Variants in PTPRD observed in about 807,000 individuals in gnomAD.
PTPRD encodes the protein receptor-type tyrosine-protein phosphatase delta.
In PTPRD, 34 loss-of-function variants were observed where a neutral mutation model predicts 214.5. That is an observed-to-expected ratio of 0.16 (90% CI 0.12 to 0.21). PTPRD has a LOEUF of 0.21. Ranked by LOEUF, PTPRD falls within the 10% of genes least tolerant of loss-of-function variation. The pLI is 1.00. For missense variants in PTPRD, 2,545 were observed against 2,398.7 expected (o/e 1.06, Z -1.27); for synonymous variants, 1,128 against 845.7 (o/e 1.33, Z -5.79).
rs116969925 is a variant in PTPRD at position 9,307,824 on chromosome 9, C to T, written c.-203+89625G>A. Among the ~76,000 whole-genome samples the T allele has an allele frequency of 4.0e-3, 604 of 152,286 alleles. 3 individuals carry two copies. Among genetic ancestry groups the T allele is most frequent in the East Asian group, 0.027 (140 of 5,172 alleles). On this transcript the variant is annotated intron_variant, in intron 9 of 45. Transcript: ENST00000381196. The stretch of plus-strand genomic sequence containing the variant: ...ATTGACCAGTATCATCTTCCCAAAA[C>T]CTCATTGCACTTCGTGTCTGTTCTA...
intron 11 of PTPRD, among the ~76,000 whole-genome samples, chr9:8,990,581 C>A (rs950531816): frequency 4.6e-5 from 7 of 152,174 alleles, no homozygotes; most frequent in African/African-American, 1.7e-4. Flanking sequence ...AACAAGAATA[C>A]CTCTTCCCTC....
chr9:8,823,238 T>G lies in PTPRD; in HGVS notation c.-103-89292A>C, dbSNP rs189288776. ...CTTTGCCTGACCTCTAAATGTTCAG[T>G]GTTCCACTGAACCCCTTCTTAAAAT... On this transcript the variant is annotated intron_variant, in intron 11 of 45. Transcript: ENST00000381196. Among the ~76,000 whole-genome samples, 318 of 152,274 alleles carry G rather than the reference T, an allele frequency of 2.1e-3. 1 individual carries two copies. Among genetic ancestry groups the G allele is most frequent in the African/African-American group, 7.2e-3 (299 of 41,570 alleles).
rs758868484 is a variant in PTPRD, at chr9:8,315,928, G to C, written c.*1946C>G. ...TATAGAAATTCTGTTGGAAGAATTGGGGGTAAGATACATATATATATATAG... is the reference window on the plus strand; with the variant it reads ...TATAGAAATTCTGTTGGAAGAATTGCGGGTAAGATACATATATATATATAG... On this transcript the variant is annotated 3_prime_UTR_variant, in exon 46 of 46. Transcript: ENST00000381196. 4 of 197,324 alleles carry C rather than the reference G, an allele frequency of 2.0e-5. No individual in the cohort carries two copies. The highest frequency in any genetic ancestry group is 3.8e-5 in the African/African-American group (1 of 26,098). 12.2% of individuals were successfully genotyped at this position (197,324 alleles called of 1,614,324 possible).
At chr9:8,890,152 A>G (rs1479340867) in intron 11 of PTPRD, among the ~76,000 whole-genome samples, 1 of 152,226 alleles carries the variant, frequency 6.6e-6, no homozygotes, top group Non-Finnish European at 1.5e-5. Flanking sequence ...ATATGTCAGA[A>G]TATTCTCATC....
chr9:9,569,211 AATGTT>A (rs1231181597), intron 8 of PTPRD, among the ~76,000 whole-genome samples: 1 of 151,732 alleles, frequency 6.6e-6, no homozygotes, highest in Non-Finnish European at 1.5e-5. Flanking sequence ...GTCATTTGCG[AATGTT>A]ATAAGTGTAA....
At chr9:8,702,373 T>G (rs917667294) in intron 12 of PTPRD, among the ~76,000 whole-genome samples, 1 of 152,152 alleles carries the variant, frequency 6.6e-6, no homozygotes, top group Admixed American at 6.5e-5. Context: ...TTCTTGCTTC[T>G]CAGTTGGATC....
At chr9:8,708,913 C>G (rs1220542009) in intron 12 of PTPRD, among the ~76,000 whole-genome samples, 1 of 151,968 alleles carries the variant, frequency 6.6e-6, no homozygotes, top group Non-Finnish European at 1.5e-5. Context: ...CCTACTCAGC[C>G]TTTAAAAAAA....
intron 11 of PTPRD, among the ~76,000 whole-genome samples, chr9:8,886,159 T>TA (rs780861397): frequency 3.9e-5 from 6 of 152,324 alleles, no homozygotes; most frequent in Non-Finnish European, 5.9e-5. Flanking sequence ...GATTTGTTCA[T>TA]AAGCCAGACA....
At chr9:8,936,785 T>C (rs558834955) in intron 11 of PTPRD, among the ~76,000 whole-genome samples, 1 of 152,342 alleles carries the variant, frequency 6.6e-6, no homozygotes, top group South Asian at 2.1e-4. Context: ...AATGTATTGC[T>C]AGATATTGAA....
intron 5 of PTPRD, among the ~76,000 whole-genome samples, chr9:9,818,125 G>T (rs1045391860): frequency 6.6e-6 from 1 of 152,150 alleles, no homozygotes; most frequent in Non-Finnish European, 1.5e-5. Context: ...GAGTATCACT[G>T]ACATGGAGAA....
intron 10 of PTPRD, among the ~76,000 whole-genome samples, chr9:9,038,551 C>T (rs377332805): frequency 1.0e-4 from 11 of 109,648 alleles, no homozygotes; most frequent in African/African-American, 2.6e-4. Flanking sequence ...TTTGTGATAA[C>T]GGTTTTTTTT....
chr9:9,853,536 A>C (rs1190456218), intron 5 of PTPRD, among the ~76,000 whole-genome samples: 1 of 151,734 alleles, frequency 6.6e-6, no homozygotes, highest in Non-Finnish European at 1.5e-5. Flanking sequence ...AATATTTTTA[A>C]GGGTTTTTTT....
chr9:9,776,007 A>G (rs1379903918), intron 5 of PTPRD, among the ~76,000 whole-genome samples: 20 of 146,988 alleles, frequency 1.4e-4, no homozygotes, highest in East Asian at 2.1e-4. Context: ...CACTCCCACT[A>G]AAGTTCTTAA....
At chr9:10,532,973 G>T (rs1031942323) in intron 2 of PTPRD, among the ~76,000 whole-genome samples, 1 of 152,006 alleles carries the variant, frequency 6.6e-6, no homozygotes, top group Non-Finnish European at 1.5e-5. Context: ...AGGGTCTAGA[G>T]GAAGGCATTT....
chr9:9,558,421 C>A (rs868695197), intron 8 of PTPRD, among the ~76,000 whole-genome samples: 1 of 152,100 alleles, frequency 6.6e-6, no homozygotes, highest in South Asian at 2.1e-4. Context: ...CCCCTTTGGC[C>A]GAGGGAGACA....
intron 11 of PTPRD, among the ~76,000 whole-genome samples, chr9:8,879,132 G>A (rs929260364): frequency 1.3e-5 from 2 of 152,170 alleles, no homozygotes; most frequent in Admixed American, 6.5e-5. Context: ...AGAGAGGCCT[G>A]GGTCCCCAAG....
chr9:10,290,026 T>C (rs893206098), intron 3 of PTPRD, among the ~76,000 whole-genome samples: 2 of 152,154 alleles, frequency 1.3e-5, no homozygotes, highest in Admixed American at 6.6e-5. Context: ...TAAATGCTTA[T>C]CATGAATTAA....
chr9:8,358,479 T>C (rs1206018910), intron 39 of PTPRD, among the ~76,000 whole-genome samples: 1 of 152,226 alleles, frequency 6.6e-6, no homozygotes, highest in Non-Finnish European at 1.5e-5. Flanking sequence ...ATACTAACTC[T>C]GGCTCTTCCA....
chr9:9,252,280 T>C (rs2099975788), intron 9 of PTPRD, among the ~76,000 whole-genome samples: 1 of 152,072 alleles, frequency 6.6e-6, no homozygotes, highest in Non-Finnish European at 1.5e-5. Context: ...CTGTTGGTCA[T>C]GGCATGTCCC....
Sources: allele counts gnomAD v4.1 joint callset (sites outside exome capture counted in the v4.1 genomes callset), GRCh38; gene constraint gnomAD v4.1.1; transcripts MANE v1.5; gene names NCBI Gene and HGNC (gene_info 2026-07-23, HGNC 2026-07-21).